The following UTRN variants were observed in gnomAD, a reference collection of about 807,000 sequenced individuals.
The protein encoded by UTRN is utrophin.
A neutral mutation model predicts 463.9 loss-of-function variants in UTRN; 283 were observed. The ratio of observed to expected loss-of-function variants is 0.61; its 90% CI spans 0.55 to 0.67. The LOEUF (loss-of-function observed/expected upper bound fraction) is 0.67, where lower values mean the gene tolerates loss of function less well. Ranked by LOEUF, UTRN falls within the 30% of genes least tolerant of loss-of-function variation. The probability of loss-of-function intolerance (pLI) is 0.00; values close to 1 mark genes in which losing one functional copy is unlikely to be tolerated. For missense variants in UTRN, 3,922 were observed against 4,084.3 expected, an observed-to-expected ratio of 0.96 and a Z score of 1.08; for synonymous variants, 1,442 against 1,431.5, an observed-to-expected ratio of 1.01 and a Z score of -0.17.
chr6:144,522,657 G>A (rs1490424225), intron 40 of UTRN, among the ~76,000 whole-genome samples: 1 of 152,094 alleles, frequency 6.6e-6, no homozygotes, highest in Non-Finnish European at 1.5e-5. Flanking sequence ...GGATTTGATA[G>A]TGCATTCCTC....
intron 69 of UTRN, among the ~76,000 whole-genome samples, chr6:144,834,489 T>A (rs1795303042): frequency 6.6e-6 from 1 of 152,228 alleles, no homozygotes; most frequent in African/African-American, 2.4e-5. Context: ...ATGCTTAGGA[T>A]AAACCTTTTC....
At chr6:144,779,402 A>G (rs770187429) in intron 60 of UTRN, among the ~76,000 whole-genome samples, 2 of 152,238 alleles carry the variant, frequency 1.3e-5, no homozygotes, top group African/African-American at 2.4e-5. Flanking sequence ...TTAACAGTCA[A>G]TTAACACATA....
At chr6:144,462,903 C>A in intron 23 of UTRN, 37 bp downstream of exon 23, 1 of 1,462,286 alleles carries the variant, frequency 6.8e-7, no homozygotes, top group Non-Finnish European at 9.4e-7. Flanking sequence ...AAGTTTATTA[C>A]GGGGTAAATA....
At chr6:144,645,243 T>A (rs549372261) in intron 51 of UTRN, among the ~76,000 whole-genome samples, 178 of 152,332 alleles carry the variant, frequency 1.2e-3, no homozygotes, top group African/African-American at 4.2e-3. Flanking sequence ...CAAGTAATTT[T>A]TGTTCTTAAG....
intron 65 of UTRN, among the ~76,000 whole-genome samples, chr6:144,817,996 T>C (rs1338540921): frequency 6.6e-6 from 1 of 152,178 alleles, no homozygotes; most frequent in Non-Finnish European, 1.5e-5. Flanking sequence ...GTTTTTGTTA[T>C]TGGTGGTTTT....
intron 3 of UTRN, among the ~76,000 whole-genome samples, chr6:144,407,788 C>T (rs935900352): frequency 1.3e-5 from 2 of 152,104 alleles, no homozygotes; most frequent in East Asian, 1.9e-4. Flanking sequence ...GCTGCAAATC[C>T]TTGTGAACAT....
intron 16 of UTRN, 91 bp from the exon 17 acceptor site, chr6:144,448,509 G>A (rs777892201): frequency 3.6e-6 from 5 of 1,384,886 alleles, no homozygotes; most frequent in Non-Finnish European, 5.0e-6. Context: ...CCATTAAATT[G>A]TGTATTTCAA....
At chr6:144,637,199 A>C (rs1777268531) in intron 51 of UTRN, among the ~76,000 whole-genome samples, 1 of 152,054 alleles carries the variant, frequency 6.6e-6, no homozygotes, top group Non-Finnish European at 1.5e-5. Flanking sequence ...CAAACTCCTG[A>C]GCTCAAGCAA....
intron 53 of UTRN, among the ~76,000 whole-genome samples, chr6:144,724,031 A>G (rs1041302622): frequency 6.8e-6 from 1 of 146,594 alleles, no homozygotes; most frequent in South Asian, 2.2e-4. Flanking sequence ...AAAAAAAAAG[A>G]AAGAAAAAAA....
At chr6:144,767,384 C>A (rs1466885736) in intron 58 of UTRN, among the ~76,000 whole-genome samples, 1 of 152,220 alleles carries the variant, frequency 6.6e-6, no homozygotes, top group South Asian at 2.1e-4. Context: ...TAATGATAGA[C>A]CATGGACTCA....
intron 51 of UTRN, among the ~76,000 whole-genome samples, chr6:144,598,230 G>C (rs75912338): frequency 6.6e-6 from 1 of 152,188 alleles, no homozygotes; most frequent in Non-Finnish European, 1.5e-5. Flanking sequence ...GGAGAAAATA[G>C]ACGTCCATCA....
intron 74 of UTRN, among the ~76,000 whole-genome samples, chr6:144,849,086 A>G (rs571238034): frequency 6.6e-6 from 1 of 152,102 alleles, no homozygotes; most frequent in Non-Finnish European, 1.5e-5. Context: ...GATTAGAGCA[A>G]GTAGATGCAG....
chr6:144,327,222 A>G (rs1185234012), intron 2 of UTRN, among the ~76,000 whole-genome samples: 1 of 152,018 alleles, frequency 6.6e-6, no homozygotes, highest in Non-Finnish European at 1.5e-5. Flanking sequence ...GAGAAGGAGG[A>G]GGGGTGCCAG....
chr6:144,648,924 A>G (rs1778534672), intron 51 of UTRN, among the ~76,000 whole-genome samples: 1 of 152,202 alleles, frequency 6.6e-6, no homozygotes, highest in African/African-American at 2.4e-5. Flanking sequence ...GAACAAATAA[A>G]TTTAACTTTT....
chr6:144,787,127 A>G (rs973759517), intron 61 of UTRN, among the ~76,000 whole-genome samples: 3 of 152,130 alleles, frequency 2.0e-5, no homozygotes, highest in Non-Finnish European at 4.4e-5. Flanking sequence ...AGCCACATTC[A>G]TGTACTTGTC....
At chr6:144,568,575 T>C (rs1562586078) in intron 50 of UTRN, among the ~76,000 whole-genome samples, 2 of 152,212 alleles carry the variant, frequency 1.3e-5, no homozygotes, top group East Asian at 3.9e-4. Context: ...GATGCGATCT[T>C]AGAACTCTTC....
At chr6:144,375,077 A>G (rs1489545219) in intron 2 of UTRN, among the ~76,000 whole-genome samples, 1 of 152,140 alleles carries the variant, frequency 6.6e-6, no homozygotes, top group African/African-American at 2.4e-5. Context: ...TTTGGGCAGT[A>G]GCTACATAGT....
chr6:144,384,457 G>A (rs944614203), intron 2 of UTRN, among the ~76,000 whole-genome samples: 3 of 151,954 alleles, frequency 2.0e-5, no homozygotes, highest in South Asian at 2.1e-4. Context: ...GTTTCATCCC[G>A]AAACCACTCC....
At position 144,710,917 on chromosome 6, in the gene UTRN, A is replaced by C. The variant is rs141678320; in HGVS notation, c.7809+10674A>C. ...TAGTCTTTGCAAGTATCAGTTTGGT[A>C]AACAGCACACTCATTATTTTTTTCG... On this transcript the variant is annotated intron_variant, in intron 53 of 74. Transcript: ENST00000367545. Among the ~76,000 whole-genome samples, 70 of 152,362 alleles carry C rather than the reference A, an allele frequency of 4.6e-4. No homozygotes were observed. The East Asian group carries it at 0.013, about 29-fold the overall frequency.
Sources: gnomAD v4.1 joint callset for allele counts (sites outside exome capture counted in the v4.1 genomes callset) on GRCh38, gnomAD v4.1.1 for gene constraint, MANE v1.5 for transcripts, NCBI Gene and HGNC (gene_info 2026-07-23, HGNC 2026-07-21) for gene names.